The following ADAMTS6 variants were observed in gnomAD, a reference collection of about 807,000 sequenced individuals.
The protein encoded by ADAMTS6 is ADAM metallopeptidase with thrombospondin type 1 motif 6, also known as A disintegrin and metalloproteinase with thrombospondin motifs 6.
ADAMTS6 carries 23 observed loss-of-function variants against 144.3 expected under a neutral mutation model. That is an observed-to-expected ratio of 0.16 (90% CI 0.11 to 0.23). The LOEUF (loss-of-function observed/expected upper bound fraction) is 0.23, where lower values mean the gene tolerates loss of function less well. Ranked by LOEUF, ADAMTS6 falls within the 10% of genes least tolerant of loss-of-function variation. The probability of loss-of-function intolerance (pLI) is 1.00; values close to 1 mark genes in which losing one functional copy is unlikely to be tolerated. For missense variants in ADAMTS6, 999 were observed against 1,379.6 expected (o/e 0.72, Z 4.37); for synonymous variants, 444 against 457.5 (o/e 0.97, Z 0.38).
chr5:65,182,443 CA>C (rs1216237939), intron 22 of ADAMTS6, among the ~76,000 whole-genome samples: 11,577 of 56,444 alleles, frequency 0.21, 399 homozygotes, highest in African/African-American at 0.31. Flanking sequence ...GACTCCATCT[CA>C]AAAAAAAAAA....
At chr5:65,323,586 A>G (rs905527473) in intron 9 of ADAMTS6, among the ~76,000 whole-genome samples, 4 of 152,024 alleles carry the variant, frequency 2.6e-5, no homozygotes, top group Non-Finnish European at 5.9e-5. Flanking sequence ...ATACGTGTGC[A>G]TGTGTCTTTA....
intron 20 of ADAMTS6, among the ~76,000 whole-genome samples, chr5:65,213,131 T>C (rs528280454): frequency 9.8e-4 from 150 of 152,330 alleles, no homozygotes; most frequent in African/African-American, 3.5e-3. Flanking sequence ...AACTTTACAT[T>C]ACAAATCACC....
chr5:65,233,809 T>G (rs115772522), intron 15 of ADAMTS6, among the ~76,000 whole-genome samples: 2,022 of 152,050 alleles, frequency 0.013, 50 homozygotes, highest in African/African-American at 0.047. Flanking sequence ...TAAAAAGGAC[T>G]CCAGATAGCC....
intron 15 of ADAMTS6, among the ~76,000 whole-genome samples, chr5:65,230,408 TGA>T (rs1279132153): frequency 1.0e-5 from 1 of 99,860 alleles, no homozygotes; most frequent in South Asian, 2.6e-4. Flanking sequence ...ATATAATACA[TGA>T]TATATATGAA....
At position 65,149,271 on chromosome 5, in the gene ADAMTS6, A is replaced by ATTGT. The variant is rs1372282131; in HGVS notation, c.*2561_*2564dup. The ATTGT allele has an allele frequency of 6.6e-6, 1 of 152,122 alleles. No individual in the cohort carries two copies. Among genetic ancestry groups the ATTGT allele is most frequent in the African/African-American group, 2.4e-5 (1 of 41,430 alleles). The allele number at this position is 152,122 out of a possible 1,614,324, so 9.4% of individuals were successfully genotyped here. A position where few individuals can be genotyped will look rare whatever the true frequency, so the allele number is the denominator to read the frequency against. ...TGGCCCAGCCTCCACTGACAATGCT[A>ATTGT]TTGTTATTATTTAGGAATAGGGCAT... On this transcript the variant is annotated 3_prime_UTR_variant, in exon 25 of 25. Coordinates refer to ENST00000381055, the MANE Select transcript of ADAMTS6 (RefSeq NM_197941.4).
intron 20 of ADAMTS6, among the ~76,000 whole-genome samples, chr5:65,204,835 A>G (rs1755976170): frequency 6.6e-6 from 1 of 152,234 alleles, no homozygotes; most frequent in South Asian, 2.1e-4. Flanking sequence ...ATTTCAAAAA[A>G]TAATAGTACA....
intron 9 of ADAMTS6, among the ~76,000 whole-genome samples, chr5:65,321,050 C>T (rs977483093): frequency 2.6e-5 from 4 of 152,080 alleles, no homozygotes; most frequent in Admixed American, 2.6e-4. Flanking sequence ...ATTTATATTC[C>T]TTTGGGTATA....
chr5:65,335,359 C>A (rs1231285012), intron 7 of ADAMTS6, among the ~76,000 whole-genome samples: 1 of 152,080 alleles, frequency 6.6e-6, no homozygotes, highest in Non-Finnish European at 1.5e-5. Context: ...GGAACACCCT[C>A]GAATGTAAGA....
At chr5:65,479,303 A>C (rs931591112) in intron 1 of ADAMTS6, among the ~76,000 whole-genome samples, 3 of 152,218 alleles carry the variant, frequency 2.0e-5, no homozygotes, top group Non-Finnish European at 4.4e-5. Flanking sequence ...ATCATTTATA[A>C]AATTTGTGAG....
At chr5:65,199,861 T>G (rs1396405935) in intron 20 of ADAMTS6, among the ~76,000 whole-genome samples, 1 of 152,168 alleles carries the variant, frequency 6.6e-6, no homozygotes, top group Non-Finnish European at 1.5e-5. Flanking sequence ...ATTTTGATCA[T>G]GCCTTCCTTC....
intron 7 of ADAMTS6, among the ~76,000 whole-genome samples, chr5:65,408,536 A>T (rs560441479): frequency 6.6e-6 from 1 of 152,318 alleles, no homozygotes; most frequent in Non-Finnish European, 1.5e-5. Context: ...TTAGACTCCC[A>T]TACAATAATA....
At chr5:65,466,654 A>C (rs746569687) in intron 3 of ADAMTS6, among the ~76,000 whole-genome samples, 2 of 152,232 alleles carry the variant, frequency 1.3e-5, no homozygotes, top group African/African-American at 2.4e-5. Context: ...TGACTAAATG[A>C]ACAGAAAGTC....
chr5:65,247,983 G>T (rs1472041238), intron 14 of ADAMTS6, among the ~76,000 whole-genome samples: 1 of 152,070 alleles, frequency 6.6e-6, no homozygotes, highest in Non-Finnish European at 1.5e-5. Flanking sequence ...CCCCTGCCAT[G>T]CTTAGCAAGT....
intron 14 of ADAMTS6, among the ~76,000 whole-genome samples, chr5:65,258,898 G>T (rs1409842212): frequency 6.6e-6 from 1 of 152,154 alleles, no homozygotes; most frequent in Non-Finnish European, 1.5e-5. Flanking sequence ...TGGAATTCAT[G>T]AAAGAAGTAC....
intron 9 of ADAMTS6, among the ~76,000 whole-genome samples, chr5:65,301,105 T>C (rs1197564223): frequency 1.3e-5 from 2 of 152,188 alleles, no homozygotes; most frequent in African/African-American, 4.8e-5. Context: ...ATTTTTTTCC[T>C]GTGTTATATA....
intron 7 of ADAMTS6, among the ~76,000 whole-genome samples, chr5:65,424,563 AT>A: frequency 6.6e-6 from 1 of 152,344 alleles, no homozygotes; most frequent in African/African-American, 2.4e-5. Flanking sequence ...GGGTGGCGTC[AT>A]TTCCATTACT....
intron 14 of ADAMTS6, among the ~76,000 whole-genome samples, chr5:65,252,871 TA>T: frequency 6.6e-6 from 1 of 152,050 alleles, no homozygotes; most frequent in East Asian, 1.9e-4. Flanking sequence ...CTGGATTTTC[TA>T]TTTTCTTTTC....
chr5:65,227,822 G>GT (rs1231756253), intron 15 of ADAMTS6, among the ~76,000 whole-genome samples: 3 of 151,954 alleles, frequency 2.0e-5, no homozygotes, highest in Admixed American at 1.3e-4. Flanking sequence ...GTTTTTAAAT[G>GT]TAACAATTGA....
chr5:65,255,990 C>A (rs1760623021), intron 14 of ADAMTS6, among the ~76,000 whole-genome samples: 1 of 152,176 alleles, frequency 6.6e-6, no homozygotes, highest in Non-Finnish European at 1.5e-5. Context: ...ACCTCAACCT[C>A]CTGAGTAATT....
Sources: allele counts gnomAD v4.1 joint callset (sites outside exome capture counted in the v4.1 genomes callset), GRCh38; gene constraint gnomAD v4.1.1; transcripts MANE v1.5; gene names NCBI Gene and HGNC (gene_info 2026-07-23, HGNC 2026-07-21).